Variants in ASTN2 observed in about 807,000 individuals in gnomAD.
The protein encoded by ASTN2 is astrotactin 2.
A neutral mutation model predicts 139.8 loss-of-function variants in ASTN2; 54 were observed. The observed-to-expected ratio is 0.39, with a 90% CI of 0.31 to 0.48. The LOEUF (loss-of-function observed/expected upper bound fraction) is 0.48, where lower values mean the gene tolerates loss of function less well. Ranked by LOEUF, ASTN2 falls within the 20% of genes least tolerant of loss-of-function variation. The pLI, the probability that ASTN2 is intolerant of heterozygous loss-of-function variation, is 0.95. For synonymous variants in ASTN2, 756 were observed against 719.5 expected (o/e 1.05, Z -0.81); for missense variants, 1,565 against 1,725.1 (o/e 0.91, Z 1.64).
intron 19 of ASTN2, among the ~76,000 whole-genome samples, chr9:116,589,653 G>A (rs987180899): frequency 1.3e-5 from 2 of 152,120 alleles, no homozygotes; most frequent in African/African-American, 2.4e-5. Flanking sequence ...TGTTTCTCCA[G>A]TAGAGGGCAA....
intron 13 of ASTN2, among the ~76,000 whole-genome samples, chr9:116,740,406 A>G (rs1829067345): frequency 6.6e-6 from 1 of 152,212 alleles, no homozygotes; most frequent in South Asian, 2.1e-4. Flanking sequence ...GACCTTCAGG[A>G]GTATCACTTC....
chr9:116,508,560 G>A (rs1448630916), intron 19 of ASTN2, among the ~76,000 whole-genome samples: 1 of 152,074 alleles, frequency 6.6e-6, no homozygotes, highest in African/African-American at 2.4e-5. Flanking sequence ...CAAAACCCTT[G>A]CCCACGTGGT....
intron 1 of ASTN2, among the ~76,000 whole-genome samples, chr9:117,292,049 G>A (rs865860173): frequency 3.9e-5 from 6 of 152,236 alleles, no homozygotes; most frequent in Middle Eastern, 3.4e-3. Context: ...TGCCCTGAGC[G>A]TGTTCCTCTT....
At position 116,606,742 on chromosome 9, in the gene ASTN2, C is replaced by T. The variant is rs576007042; in HGVS notation, c.3355+11582G>A. ...AACAACAAGAAAGTATTAGTACCTA[C>T]TGTGTCTCAAGAACTGTGCTGGAAT... is the stretch of plus-strand genomic sequence containing the variant. On this transcript the variant is annotated intron_variant, in intron 19 of 22. Transcript: ENST00000313400. Among the ~76,000 whole-genome samples, 4 of 152,024 alleles carry T rather than the reference C, an allele frequency of 2.6e-5. No individual in the cohort carries two copies. In the South Asian group the frequency reaches 8.3e-4, roughly 32 times the overall value.
chr9:116,452,043 T>C (rs865999189), intron 20 of ASTN2, among the ~76,000 whole-genome samples: 1 of 152,174 alleles, frequency 6.6e-6, no homozygotes, highest in African/African-American at 2.4e-5. Context: ...AACACATAAT[T>C]GTACTAGCTA....
At chr9:116,565,166 T>C (rs536521066) in intron 19 of ASTN2, among the ~76,000 whole-genome samples, 2 of 151,164 alleles carry the variant, frequency 1.3e-5, no homozygotes, top group Non-Finnish European at 2.9e-5. Context: ...CATGCATGTA[T>C]ATATGACTGA....
chr9:117,180,078 G>A (rs899398365), intron 3 of ASTN2, among the ~76,000 whole-genome samples: 1 of 152,192 alleles, frequency 6.6e-6, no homozygotes, highest in African/African-American at 2.4e-5. Context: ...ATCTCTTGGA[G>A]CATGCTAGCT....
At chr9:116,696,950 TAAA>T (rs11400163) in intron 16 of ASTN2, among the ~76,000 whole-genome samples, 3 of 137,120 alleles carry the variant, frequency 2.2e-5, no homozygotes, top group Non-Finnish European at 3.1e-5. Flanking sequence ...GTGACATGAT[TAAA>T]AAAAAAAAAA....
chr9:117,233,586 T>C (rs1416739818), intron 2 of ASTN2, among the ~76,000 whole-genome samples: 3 of 152,224 alleles, frequency 2.0e-5, no homozygotes, highest in African/African-American at 7.2e-5. Flanking sequence ...CTGAAGTCTG[T>C]TAAGCAAATT....
At chr9:116,499,605 C>T (rs1346044277) in intron 19 of ASTN2, among the ~76,000 whole-genome samples, 4 of 152,068 alleles carry the variant, frequency 2.6e-5, no homozygotes, top group Admixed American at 6.6e-5. Flanking sequence ...TGGTAAGGTA[C>T]CTGGCCTGTC....
At position 117,223,216 on chromosome 9, in the gene ASTN2, G is replaced by A. The variant is rs528790908; in HGVS notation, c.631-8474C>T. On this transcript the variant is annotated intron_variant, in intron 2 of 22. Transcript: ENST00000313400. Reference sequence around the variant, plus strand: ...GTAGATTTTAACAAGGGTCTAGGATGGCAGTTCTCAACTGGTGGCAATTTT... The same window carrying A: ...GTAGATTTTAACAAGGGTCTAGGATAGCAGTTCTCAACTGGTGGCAATTTT... Among the ~76,000 whole-genome samples, 29 of 152,188 alleles carry A rather than the reference G, an allele frequency of 1.9e-4. No homozygotes were observed. In the South Asian group the frequency reaches 5.4e-3, roughly 28 times the overall value.
chr9:116,540,810 G>T (rs1196890979), intron 19 of ASTN2: 2 of 152,134 alleles, frequency 1.3e-5, no homozygotes, highest in Non-Finnish European at 2.9e-5. Flanking sequence ...TGTCTAAAAT[G>T]CAAGCACCCA....
chr9:116,780,926 G>A (rs1374790521), intron 13 of ASTN2, among the ~76,000 whole-genome samples: 1 of 150,152 alleles, frequency 6.7e-6, no homozygotes, highest in Non-Finnish European at 1.5e-5. Flanking sequence ...TGCAACTTCC[G>A]CCTCCTGGGT....
intron 11 of ASTN2, among the ~76,000 whole-genome samples, chr9:116,847,822 A>C (rs1198489896): frequency 1.3e-5 from 2 of 152,192 alleles, no homozygotes; most frequent in Non-Finnish European, 2.9e-5. Context: ...CTCATCTGTT[A>C]TATTTTTCTA....
chr9:116,646,753 C>T (rs1018806693), intron 17 of ASTN2, among the ~76,000 whole-genome samples: 1 of 152,146 alleles, frequency 6.6e-6, no homozygotes, highest in African/African-American at 2.4e-5. Flanking sequence ...CATTTCTTTG[C>T]AAGGATCACT....
intron 1 of ASTN2, among the ~76,000 whole-genome samples, chr9:117,309,559 C>T (rs991877877): frequency 1.3e-5 from 2 of 152,282 alleles, no homozygotes; most frequent in East Asian, 3.9e-4. Flanking sequence ...AACAGTGATG[C>T]CTCCAAGTTC....
intron 4 of ASTN2, among the ~76,000 whole-genome samples, chr9:117,124,607 A>G (rs1829640177): frequency 6.6e-6 from 1 of 152,216 alleles, no homozygotes. Flanking sequence ...AGTGAAGGAA[A>G]GGAGGCACTG....
intron 13 of ASTN2, among the ~76,000 whole-genome samples, chr9:116,752,078 A>G (rs1829416542): frequency 6.6e-6 from 1 of 152,214 alleles, no homozygotes; most frequent in Non-Finnish European, 1.5e-5. Context: ...GAGGACTGAC[A>G]CTACCTGACT....
chr9:116,459,275 G>A (rs1588079148), intron 20 of ASTN2, among the ~76,000 whole-genome samples: 1 of 152,130 alleles, frequency 6.6e-6, no homozygotes, highest in African/African-American at 2.4e-5. Flanking sequence ...GGTCATTAAA[G>A]ACCTAAATGT....
Sources: allele counts gnomAD v4.1 joint callset (sites outside exome capture counted in the v4.1 genomes callset), GRCh38; gene constraint gnomAD v4.1.1; transcripts MANE v1.5; gene names NCBI Gene and HGNC (gene_info 2026-07-23, HGNC 2026-07-21).